The following USP10 variants were observed in gnomAD, a reference collection of about 807,000 sequenced individuals.
USP10 encodes the protein ubiquitin carboxyl-terminal hydrolase 10.
Under a neutral mutation model 84.5 loss-of-function variants are expected in USP10, and 22 were observed. That is an observed-to-expected ratio of 0.26 (90% CI 0.19 to 0.37). USP10 has a LOEUF of 0.37. Among genes scored for constraint, USP10 ranks in the 10% least tolerant of loss-of-function variants. USP10 has a pLI of 1.00. For missense variants in USP10, 1,019 were observed against 998.9 expected (o/e 1.02, Z -0.27); for synonymous variants, 454 against 387.6 (o/e 1.17, Z -2.01).
At chr16:84,707,002 C>T (rs761354026) in intron 1 of USP10, among the ~76,000 whole-genome samples, 3 of 152,148 alleles carry the variant, frequency 2.0e-5, no homozygotes, top group Non-Finnish European at 2.9e-5. Flanking sequence ...AGTGCCTTAG[C>T]TTGTTTGAGC....
At chr16:84,755,652 A>G (rs528484559) in intron 4 of USP10, among the ~76,000 whole-genome samples, 82 of 152,038 alleles carry the variant, frequency 5.4e-4, no homozygotes, top group African/African-American at 1.5e-3. Flanking sequence ...AATAATTATG[A>G]TTGGGTATGG....
At position 84,759,571 on chromosome 16, in the gene USP10, G is replaced by T. The variant is rs565833612; in HGVS notation, c.1394+99G>T. On this transcript the variant is annotated intron_variant, in intron 6 of 13. Coordinates refer to ENST00000219473, the MANE Select transcript of USP10 (RefSeq NM_005153.3). The stretch of plus-strand genomic sequence containing the variant: ...GTAAAGCTCTTGATTTCCTGCAAAT[G>T]AGTCCTATAATTCTGTCTTTTTTTA... The T allele has an allele frequency of 1.8e-5, 20 of 1,120,304 alleles. No homozygotes were observed. The Admixed American group carries it at 3.4e-4, about 19-fold the overall frequency. 69.4% of individuals were successfully genotyped at this position (1,120,304 alleles called of 1,614,324 possible).
At position 84,723,323 on chromosome 16, in the gene USP10, T is replaced by C. The variant is rs189856367; in HGVS notation, c.22-10112T>C. The stretch of plus-strand genomic sequence containing the variant: ...ATTCACTTACGTTGAATAAGTCTTA[T>C]ATTTTAAAATATAAGTTTAAGTGTT... On this transcript the variant is annotated intron_variant, in intron 1 of 13. Transcript: ENST00000219473. Among the ~76,000 whole-genome samples, 476 of 152,346 alleles carry C rather than the reference T, an allele frequency of 3.1e-3. 2 individuals carry two copies. Among genetic ancestry groups the C allele is most frequent in the Non-Finnish European group, 5.4e-3 (367 of 68,020 alleles).
At chr16:84,752,915 C>T (rs565051287) in intron 4 of USP10, among the ~76,000 whole-genome samples, 1 of 152,262 alleles carries the variant, frequency 6.6e-6, no homozygotes, top group East Asian at 1.9e-4. Flanking sequence ...AGTATTTAAT[C>T]TTCATTTCTT....
At chr16:84,711,603 G>A (rs1906300635) in intron 1 of USP10, among the ~76,000 whole-genome samples, 1 of 151,778 alleles carries the variant, frequency 6.6e-6, no homozygotes, top group Non-Finnish European at 1.5e-5. Context: ...TTGGTTCTCT[G>A]TTGCTTCTTA....
At chr16:84,732,997 C>T (rs576213379) in intron 1 of USP10, 1 of 427,564 alleles carries the variant, frequency 2.3e-6, no homozygotes, top group African/African-American at 2.1e-5. Flanking sequence ...TTAACATTTT[C>T]CTTTTTTGGA....
intron 1 of USP10, among the ~76,000 whole-genome samples, chr16:84,709,587 A>G (rs1906009854): frequency 6.6e-6 from 1 of 151,784 alleles, no homozygotes; most frequent in Non-Finnish European, 1.5e-5. Context: ...CCATAAGGAG[A>G]TCATTTAGGG....
At chr16:84,772,026 T>TA (rs1245951224) in intron 11 of USP10, among the ~76,000 whole-genome samples, 1 of 152,184 alleles carries the variant, frequency 6.6e-6, no homozygotes, top group Non-Finnish European at 1.5e-5. Flanking sequence ...CAGTTGTGCT[T>TA]ATGGGAACGT....
chr16:84,729,637 C>T (rs1414713911), intron 1 of USP10, among the ~76,000 whole-genome samples: 2 of 152,184 alleles, frequency 1.3e-5, no homozygotes, highest in Admixed American at 6.5e-5. Context: ...CTTCTTAGCC[C>T]GTTCCTTTAT....
At chr16:84,717,038 C>T (rs1020673504) in intron 1 of USP10, among the ~76,000 whole-genome samples, 4 of 152,130 alleles carry the variant, frequency 2.6e-5, no homozygotes, top group East Asian at 1.9e-4. Context: ...CTTAAAAGTC[C>T]GTTGAGAATC....
chr16:84,744,866 A>G lies in USP10; in HGVS notation c.385A>G (p.Asn129Asp). The change falls in exon 4 of 14, where the codon AAT (asparagine) becomes GAT (aspartate). Residue 129 changes from asparagine (N) to aspartate (D), a missense_variant. Physicochemically the swap from Asn to Asp is conservative, Grantham distance 23. Transcript: ENST00000219473. The part of the protein sequence containing the change: ...GSALALDGSS[N>D]VEAEVLENDG... ...TGCCCTCGCTTTGGATGGAAGTTCT[A>G]ATGTGGAGGCGGAAGTTTTGGAAAA... is the stretch of plus-strand genomic sequence containing the variant. The G allele has an allele frequency of 6.2e-7, 1 of 1,613,712 alleles. No individual in the cohort carries two copies. Among genetic ancestry groups the G allele is most frequent in the Non-Finnish European group, 8.5e-7 (1 of 1,179,700 alleles).
At chr16:84,720,509 G>A (rs1254289132) in intron 1 of USP10, among the ~76,000 whole-genome samples, 1 of 151,670 alleles carries the variant, frequency 6.6e-6, no homozygotes, top group Non-Finnish European at 1.5e-5. Flanking sequence ...AGTAATGATG[G>A]GACAGAGGCT....
At chr16:84,740,574 G>A (rs1910508979) in intron 3 of USP10, among the ~76,000 whole-genome samples, 1 of 152,260 alleles carries the variant, frequency 6.6e-6, no homozygotes, top group South Asian at 2.1e-4. Context: ...CGGAGTGCCA[G>A]CCATGTAAGA....
At chr16:84,735,838 G>A (rs1909862553) in intron 2 of USP10, among the ~76,000 whole-genome samples, 1 of 152,186 alleles carries the variant, frequency 6.6e-6, no homozygotes, top group Non-Finnish European at 1.5e-5. Context: ...ACAGTAACCT[G>A]CAAAAGGGAA....
In USP10 at chr16:84,745,348, A is replaced by G. The variant is rs753476963; in HGVS notation, c.867A>G (p.Ile289Met). 3 of 1,613,086 alleles carry G rather than the reference A, an allele frequency of 1.9e-6. No individual in the cohort carries two copies. Among genetic ancestry groups the G allele is most frequent in the South Asian group, 2.2e-5 (2 of 91,022 alleles). Reference sequence around the variant, plus strand: ...ACCTTGGAGTTGCTAATGGACAAATACTTGAATCCTCGGGTGAGGGCACAG... The same window carrying G: ...ACCTTGGAGTTGCTAATGGACAAATGCTTGAATCCTCGGGTGAGGGCACAG... ...TENLGVANGQ[I>M]LESSGEGTAT... is the part of the protein sequence containing the mutation. The change falls in exon 4 of 14, where the codon ATA becomes ATG. Residue 289 changes from isoleucine (I) to methionine (M), a missense_variant. Around this residue, in one of 2 missense-constraint regions of USP10, gnomAD observed 787 missense variants for 708.8 expected, o/e 1.11. Transcript: ENST00000219473.
intron 3 of USP10, among the ~76,000 whole-genome samples, chr16:84,742,292 C>G (rs911225728): frequency 1.3e-5 from 2 of 152,156 alleles, no homozygotes; most frequent in Non-Finnish European, 2.9e-5. Context: ...TTCCACTGAC[C>G]TCTCTAGTTT....
intron 4 of USP10, among the ~76,000 whole-genome samples, chr16:84,757,396 G>GGGT (rs1555546425): frequency 1.6e-4 from 21 of 127,436 alleles, no homozygotes; most frequent in East Asian, 8.0e-4. Flanking sequence ...GAATGAGAGG[G>GGGT]GTGGGGGTGT....
At chr16:84,758,609 T>A (rs1323769119) in intron 4 of USP10, 107 bp from the exon 5 acceptor site, 17 of 782,816 alleles carry the variant, frequency 2.2e-5, no homozygotes, top group Non-Finnish European at 3.8e-5. Flanking sequence ...CTGTGTGTTT[T>A]ACTGAAGGGA....
chr16:84,704,966 G>C, intron 1 of USP10: 1 of 1,485,232 alleles, frequency 6.7e-7, no homozygotes, highest in Non-Finnish European at 9.1e-7. Flanking sequence ...TGCATGTGGA[G>C]TGCGGGCCCA....
Sources: gnomAD v4.1 joint callset for allele counts (sites outside exome capture counted in the v4.1 genomes callset) on GRCh38, gnomAD v4.1.1 for gene constraint, gnomAD v4.1.1 regional missense constraint, MANE v1.5 for transcripts, NCBI Gene and HGNC (gene_info 2026-07-23, HGNC 2026-07-21) for gene names.